AKT3: variants seen among roughly 807,000 people sequenced by gnomAD.
AKT3 encodes AKT serine/threonine kinase 3, also known as RAC-gamma serine/threonine-protein kinase.
In AKT3, 15 loss-of-function variants were observed where a neutral mutation model predicts 65.3. The observed-to-expected ratio is 0.23, with a 90% CI of 0.15 to 0.35. The LOEUF is 0.35. Ranked by LOEUF, AKT3 falls within the 10% of genes least tolerant of loss-of-function variation. AKT3 has a pLI of 1.00. For missense variants in AKT3, 243 were observed against 576.5 expected (o/e 0.42, Z 5.92); for synonymous variants, 206 against 183.8 (o/e 1.12, Z -0.98).
At chr1:243,845,684 T>C (rs1009236214) in intron 1 of AKT3, among the ~76,000 whole-genome samples, 1 of 151,780 alleles carries the variant, frequency 6.6e-6, no homozygotes, top group Non-Finnish European at 1.5e-5. Flanking sequence ...AAAATCTGTC[T>C]TGGGAGCCTC....
rs547038523 is a variant in AKT3, at chr1:243,551,025, G to T, written c.1163+1704C>A. 2.0e-5 allele frequency among the ~76,000 whole-genome samples: 3 copies of T among 148,496 alleles called. No individual in the cohort carries two copies. In the South Asian group the frequency reaches 6.5e-4, roughly 32 times the overall value. On this transcript the variant is annotated intron_variant, in intron 11 of 13. Coordinates refer to ENST00000673466, the MANE Select transcript of AKT3 (RefSeq NM_005465.7). The stretch of plus-strand genomic sequence containing the variant: ...ACTCTGTTTAAAGTTACCTATCATC[G>T]GGTGCTGCTCCTTACTTAATTGTAA...
In AKT3 at chr1:243,512,358, T is replaced by C; in HGVS notation, c.1320A>G (p.Thr440=). ...GTGGTGTTATTGTAATAGTCTGAGC[T>C]GTAAATTCTTCATCAAAATATCTAG... ...TDTRYFDEEF[T]AQTITITPPE... Residue 440 remains threonine, a synonymous_variant, in exon 13 of 14, where the codon ACA becomes ACG. Transcript: ENST00000673466. 1 of 1,580,600 alleles carries C rather than the reference T, an allele frequency of 6.3e-7. No homozygotes were observed. The highest frequency in any genetic ancestry group is 8.6e-7 in the Non-Finnish European group (1 of 1,158,672).
chr1:243,776,106 T>C (rs951153488), intron 2 of AKT3, among the ~76,000 whole-genome samples: 29 of 152,318 alleles, frequency 1.9e-4, no homozygotes, highest in African/African-American at 6.5e-4. Flanking sequence ...TCTTCCTACA[T>C]TGCCCTTCTT....
intron 2 of AKT3, among the ~76,000 whole-genome samples, chr1:243,708,910 C>G (rs921550264): frequency 6.6e-6 from 1 of 151,890 alleles, no homozygotes; most frequent in African/African-American, 2.4e-5. Flanking sequence ...ATGCAAATGA[C>G]AAATTGGCAA....
intron 8 of AKT3, among the ~76,000 whole-genome samples, chr1:243,593,487 G>C (rs1188839106): frequency 6.6e-6 from 1 of 152,168 alleles, no homozygotes; most frequent in Non-Finnish European, 1.5e-5. Context: ...AAGAGTTCGA[G>C]AGCAATCTAG....
At chr1:243,773,384 C>T (rs1690323030) in intron 2 of AKT3, among the ~76,000 whole-genome samples, 1 of 151,916 alleles carries the variant, frequency 6.6e-6, no homozygotes, top group African/African-American at 2.4e-5. Context: ...GCTTTGAAAT[C>T]TGAAATCCTG....
At chr1:243,642,357 T>C (rs1235172862) in intron 5 of AKT3, among the ~76,000 whole-genome samples, 20 of 152,370 alleles carry the variant, frequency 1.3e-4, no homozygotes, top group African/African-American at 4.3e-4. Context: ...TCGCCCAGGC[T>C]AGAGTGCAGT....
At chr1:243,765,769 T>C (rs1353445135) in intron 2 of AKT3, among the ~76,000 whole-genome samples, 4 of 152,138 alleles carry the variant, frequency 2.6e-5, no homozygotes, top group Admixed American at 1.3e-4. Flanking sequence ...AAATTAGATT[T>C]AAGTTACAAA....
chr1:243,503,406 T>A lies in AKT3; in HGVS notation c.*1843A>T, dbSNP rs972839248. ...GAAAGTCACTTGCTCTTTCATACAATGCAATCATAATACTACGTCATGCTG... is the reference window on the plus strand; with the variant it reads ...GAAAGTCACTTGCTCTTTCATACAAAGCAATCATAATACTACGTCATGCTG... On this transcript the variant is annotated 3_prime_UTR_variant, in exon 14 of 14. Coordinates refer to ENST00000673466, the MANE Select transcript of AKT3 (RefSeq NM_005465.7). 1.7e-5 allele frequency: 4 copies of A among 233,420 alleles called. No individual in the cohort carries two copies. Among genetic ancestry groups the A allele is most frequent in the African/African-American group, 8.8e-5 (4 of 45,326 alleles). 14.5% of individuals were successfully genotyped at this position (233,420 alleles called of 1,614,324 possible).
intron 2 of AKT3, among the ~76,000 whole-genome samples, chr1:243,840,726 T>A (rs1695191978): frequency 6.6e-6 from 1 of 151,718 alleles, no homozygotes; most frequent in South Asian, 2.1e-4. Flanking sequence ...TTTTTTTTTT[T>A]ACAACTTATA....
chr1:243,574,944 T>A (rs1287745355), intron 8 of AKT3, among the ~76,000 whole-genome samples: 5 of 152,138 alleles, frequency 3.3e-5, no homozygotes, highest in African/African-American at 1.2e-4. Flanking sequence ...ATATGCAAGA[T>A]TCTAGATCTT....
intron 6 of AKT3, among the ~76,000 whole-genome samples, chr1:243,617,095 G>T (rs896813979): frequency 2.6e-5 from 4 of 152,056 alleles, no homozygotes; most frequent in African/African-American, 9.7e-5. Context: ...TGTATCATAG[G>T]AAAGAATTCC....
At chr1:243,582,632 A>C (rs1259734405) in intron 8 of AKT3, among the ~76,000 whole-genome samples, 1 of 152,250 alleles carries the variant, frequency 6.6e-6, no homozygotes, top group East Asian at 1.9e-4. Flanking sequence ...ATGAAAGAAA[A>C]ATAAATGCTA....
At position 243,509,285 on chromosome 1, in the gene AKT3, G is replaced by A. The variant is rs562212185; in HGVS notation, c.1354+3039C>T. On this transcript the variant is annotated intron_variant, in intron 13 of 13. Transcript: ENST00000673466. ...ATTATGTTCTAGAAACTGTGCTGGG[G>A]GACTTCTAACACCTTCTAACATTTC... 1.6e-4 allele frequency among the ~76,000 whole-genome samples: 25 copies of A among 152,200 alleles called. No individual in the cohort carries two copies. In the South Asian group the frequency reaches 4.2e-3, roughly 25 times the overall value.
intron 3 of AKT3, 152 bp downstream of exon 3, chr1:243,695,439 A>G (rs1685002745): frequency 6.9e-6 from 4 of 583,526 alleles, no homozygotes; most frequent in Non-Finnish European, 1.1e-5. Flanking sequence ...CCTCTATGCT[A>G]AGGGACTGAA....
At chr1:243,736,196 C>T (rs1172895563) in intron 2 of AKT3, among the ~76,000 whole-genome samples, 1 of 152,158 alleles carries the variant, frequency 6.6e-6, no homozygotes, top group Non-Finnish European at 1.5e-5. Context: ...TCCCATTTCA[C>T]TAGAAAACTG....
At chr1:243,718,093 T>C (rs566546618) in intron 2 of AKT3, among the ~76,000 whole-genome samples, 70 of 152,316 alleles carry the variant, frequency 4.6e-4, no homozygotes, top group Non-Finnish European at 9.0e-4. Context: ...ACAGAGGACC[T>C]TTCCTTTTCA....
intron 12 of AKT3, among the ~76,000 whole-genome samples, chr1:243,531,251 C>T (rs997507143): frequency 3.9e-5 from 6 of 151,936 alleles, no homozygotes; most frequent in African/African-American, 1.2e-4. Flanking sequence ...CCACCATGCC[C>T]GGCTAATTTT....
intron 12 of AKT3, among the ~76,000 whole-genome samples, chr1:243,515,075 T>G (rs2148370551): frequency 6.6e-6 from 1 of 152,348 alleles, no homozygotes; most frequent in East Asian, 1.9e-4. Context: ...ATCTGGCTTG[T>G]TCATTTAGCA....
Sources: allele counts gnomAD v4.1 joint callset (sites outside exome capture counted in the v4.1 genomes callset), GRCh38; gene constraint gnomAD v4.1.1; transcripts MANE v1.5; gene names NCBI Gene and HGNC (gene_info 2026-07-23, HGNC 2026-07-21).